The following SLC39A11 variants were observed in gnomAD, a reference collection of about 807,000 sequenced individuals.
SLC39A11 encodes zinc transporter ZIP11.
SLC39A11 carries 33 observed loss-of-function variants against 36.1 expected under a neutral mutation model. The observed-to-expected ratio is 0.91, with a 90% CI of 0.69 to 1.22. The LOEUF (loss-of-function observed/expected upper bound fraction) is 1.22, where lower values mean the gene tolerates loss of function less well. Ranked by LOEUF, SLC39A11 falls within the 50% of genes most tolerant of loss-of-function variation. The pLI, the probability that SLC39A11 is intolerant of heterozygous loss-of-function variation, is 0.00. For synonymous variants in SLC39A11, 166 were observed against 170.3 expected (o/e 0.97, Z 0.20); for missense variants, 432 against 430.3 (o/e 1.00, Z -0.03).
At chr17:72,800,080 G>A (rs563716016) in intron 6 of SLC39A11, among the ~76,000 whole-genome samples, 1 of 151,972 alleles carries the variant, frequency 6.6e-6, no homozygotes, top group African/African-American at 2.4e-5. Flanking sequence ...AAAATAGAAA[G>A]AACATATGTT....
Position 72,696,948 on chromosome 17 carries a change from G to A in SLC39A11, c.671+39702C>T, listed in dbSNP as rs16977328. Among the ~76,000 whole-genome samples the A allele has an allele frequency of 7.9e-3, 1,197 of 152,244 alleles. 8 individuals are homozygous for A. The highest frequency in any genetic ancestry group is 0.027 in the African/African-American group (1,111 of 41,540). On this transcript the variant is annotated intron_variant, in intron 7 of 9. Coordinates refer to ENST00000255559, the MANE Select transcript of SLC39A11 (RefSeq NM_139177.4). ...TAGACAGAACTTAGGACCCTGGCCCGAGACTGCTGATTATGTGTCTGGGCC... is the reference window on the plus strand; with the variant it reads ...TAGACAGAACTTAGGACCCTGGCCCAAGACTGCTGATTATGTGTCTGGGCC...
chr17:73,052,524 G>T, intron 3 of SLC39A11, among the ~76,000 whole-genome samples: 1 of 152,140 alleles, frequency 6.6e-6, no homozygotes, highest in East Asian at 1.9e-4. Context: ...GACTAATAAA[G>T]AGAGGACAGA....
intron 4 of SLC39A11, among the ~76,000 whole-genome samples, chr17:72,985,597 G>C (rs1363328028): frequency 6.6e-6 from 1 of 152,000 alleles, no homozygotes; most frequent in Non-Finnish European, 1.5e-5. Context: ...ATTTTTAGGA[G>C]AGACAGGGTT....
chr17:72,938,974 A>G (rs904877062), intron 5 of SLC39A11, among the ~76,000 whole-genome samples: 1 of 152,172 alleles, frequency 6.6e-6, no homozygotes, highest in African/African-American at 2.4e-5. Flanking sequence ...GACTTTTATT[A>G]CTGCCAGGAC....
At chr17:72,712,881 T>A (rs920037920) in intron 7 of SLC39A11, 1 of 151,822 alleles carries the variant, frequency 6.6e-6, no homozygotes, top group Admixed American at 6.6e-5. Context: ...GGATCCACAA[T>A]AGGAACAGAT....
chr17:72,899,473 G>C (rs2082206515), intron 5 of SLC39A11, among the ~76,000 whole-genome samples: 1 of 152,166 alleles, frequency 6.6e-6, no homozygotes, highest in African/African-American at 2.4e-5. Context: ...CTTATGGAAA[G>C]GCAAGGGTCG....
At chr17:72,958,649 G>A (rs113929879) in intron 4 of SLC39A11, among the ~76,000 whole-genome samples, 6,524 of 152,170 alleles carry the variant, frequency 0.043, 493 homozygotes, top group African/African-American at 0.15. Context: ...TCAGGAATTC[G>A]AGACCAGCCT....
chr17:72,965,546 C>A (rs887739567), intron 4 of SLC39A11, among the ~76,000 whole-genome samples: 1 of 152,224 alleles, frequency 6.6e-6, no homozygotes, highest in Admixed American at 6.5e-5. Context: ...TTTTGCCCAA[C>A]TGCAGGCTAA....
At chr17:73,091,298 T>C (rs1460374694) in intron 1 of SLC39A11, among the ~76,000 whole-genome samples, 5 of 151,840 alleles carry the variant, frequency 3.3e-5, no homozygotes, top group Non-Finnish European at 7.4e-5. Flanking sequence ...CGTCGTGGTG[T>C]GTGCCTGTAG....
At chr17:72,860,912 C>A (rs143943428) in intron 5 of SLC39A11, among the ~76,000 whole-genome samples, 1 of 152,234 alleles carries the variant, frequency 6.6e-6, no homozygotes, top group African/African-American at 2.4e-5. Flanking sequence ...ACTTGCCAAA[C>A]GAGGGTAATA....
intron 6 of SLC39A11, among the ~76,000 whole-genome samples, chr17:72,792,512 G>A (rs780012029): frequency 1.5e-4 from 23 of 152,292 alleles, no homozygotes; most frequent in Non-Finnish European, 2.8e-4. Context: ...AGGTGTCAAG[G>A]AAGCACATGA....
intron 4 of SLC39A11, among the ~76,000 whole-genome samples, chr17:73,024,621 G>A (rs577843957): frequency 6.6e-6 from 1 of 152,260 alleles, no homozygotes; most frequent in South Asian, 2.1e-4. Context: ...TGGAACATCT[G>A]TCACTTCTAA....
intron 4 of SLC39A11, among the ~76,000 whole-genome samples, chr17:72,955,279 G>A (rs2061907111): frequency 1.5e-5 from 2 of 135,222 alleles, no homozygotes; most frequent in Admixed American, 7.6e-5. Flanking sequence ...TCCTGAATAG[G>A]CTTTAACTTT....
intron 4 of SLC39A11, among the ~76,000 whole-genome samples, chr17:72,962,685 C>T (rs1016918354): frequency 1.5e-4 from 23 of 152,066 alleles, no homozygotes; most frequent in African/African-American, 3.6e-4. Flanking sequence ...TACAGGCACA[C>T]GCCACCACAC....
intron 5 of SLC39A11, among the ~76,000 whole-genome samples, chr17:72,850,845 G>A (rs1011589267): frequency 5.9e-5 from 9 of 152,076 alleles, no homozygotes; most frequent in Non-Finnish European, 7.4e-5. Context: ...TCCCATAGCC[G>A]TACAGAATTA....
intron 4 of SLC39A11, among the ~76,000 whole-genome samples, chr17:72,967,370 C>CAGAGAGAG (rs72044418): frequency 0.028 from 3,055 of 110,000 alleles, 80 homozygotes; most frequent in African/African-American, 0.056. Context: ...TAAGCATGCT[C>CAGAGAGAG]AGAGAGAGAG....
intron 5 of SLC39A11, among the ~76,000 whole-genome samples, chr17:72,903,643 T>C (rs28463307): frequency 0.05 from 7,650 of 152,218 alleles, 291 homozygotes; most frequent in Non-Finnish European, 0.079. Flanking sequence ...ACCAGGTCAT[T>C]TATCTTCCTA....
Position 72,663,826 on chromosome 17 carries a change from G to A in SLC39A11, c.672-14558C>T, listed in dbSNP as rs543308599. The A allele has an allele frequency of 7.2e-5, 11 of 152,328 alleles. No homozygotes were observed. In the East Asian group the frequency reaches 1.9e-3, roughly 27 times the overall value. The allele number at this position is 152,328 out of a possible 1,614,324, so 9.4% of individuals were successfully genotyped here. ...ATCTGCAGCAAACACATCAGGGGAGGAGATGCAACCAAAACATTTAGTTCC... is the reference window on the plus strand; with the variant it reads ...ATCTGCAGCAAACACATCAGGGGAGAAGATGCAACCAAAACATTTAGTTCC... On this transcript the variant is annotated intron_variant, in intron 7 of 9. Transcript: ENST00000255559.
At chr17:72,861,458 C>T (rs751458433) in intron 5 of SLC39A11, among the ~76,000 whole-genome samples, 1 of 151,606 alleles carries the variant, frequency 6.6e-6, no homozygotes, top group Non-Finnish European at 1.5e-5. Context: ...CTAACACTGA[C>T]ACAAGTTTGC....
Sources: gnomAD v4.1 joint callset for allele counts (sites outside exome capture counted in the v4.1 genomes callset) on GRCh38, gnomAD v4.1.1 for gene constraint, MANE v1.5 for transcripts, NCBI Gene and HGNC (gene_info 2026-07-23, HGNC 2026-07-21) for gene names.